Variants in SLC16A10 observed in about 807,000 individuals in gnomAD.
SLC16A10 encodes monocarboxylate transporter 10.
In SLC16A10, 27 loss-of-function variants were observed where a neutral mutation model predicts 40.0. The ratio of observed to expected loss-of-function variants is 0.67; its 90% CI spans 0.50 to 0.93. SLC16A10 has a LOEUF of 0.93. Among genes scored for constraint, SLC16A10 ranks in the 40% least tolerant of loss-of-function variants. SLC16A10 has a pLI of 0.00. For missense variants in SLC16A10, 529 were observed against 658.2 expected, an observed-to-expected ratio of 0.80 and a Z score of 2.15; for synonymous variants, 213 against 249.8, an observed-to-expected ratio of 0.85 and a Z score of 1.39.
intron 4 of SLC16A10, among the ~76,000 whole-genome samples, chr6:111,209,840 G>A (rs942597317): frequency 5.9e-5 from 9 of 152,128 alleles, no homozygotes; most frequent in Non-Finnish European, 1.5e-5. Flanking sequence ...ACAGAGAATG[G>A]TTTCTACAGG....
chr6:111,115,776 T>G (rs1438208472), intron 1 of SLC16A10, among the ~76,000 whole-genome samples: 1 of 152,144 alleles, frequency 6.6e-6, no homozygotes, highest in Admixed American at 6.5e-5. Context: ...AAATAGAGCC[T>G]TGAAGCTAAC....
chr6:111,122,325 CAAA>C (rs914758414), intron 1 of SLC16A10, among the ~76,000 whole-genome samples: 2 of 152,148 alleles, frequency 1.3e-5, no homozygotes, highest in African/African-American at 4.8e-5. Context: ...ACTGCAGAGA[CAAA>C]GAAGAATATG....
At chr6:111,097,881 A>G (rs1173007594) in intron 1 of SLC16A10, among the ~76,000 whole-genome samples, 2 of 152,188 alleles carry the variant, frequency 1.3e-5, no homozygotes, top group Admixed American at 6.5e-5. Context: ...CAATGATTAA[A>G]TTAATGGATA....
intron 3 of SLC16A10, among the ~76,000 whole-genome samples, chr6:111,195,830 C>T (rs1773071111): frequency 6.6e-6 from 1 of 152,164 alleles, no homozygotes; most frequent in Non-Finnish European, 1.5e-5. Flanking sequence ...GTACACAAGC[C>T]TTCCATTTTC....
At chr6:111,128,159 GTT>G (rs1037272829) in intron 1 of SLC16A10, among the ~76,000 whole-genome samples, 2 of 152,256 alleles carry the variant, frequency 1.3e-5, no homozygotes, top group Non-Finnish European at 2.9e-5. Flanking sequence ...CTTTCTGTCA[GTT>G]TAACTGTTAT....
Position 111,226,317 on chromosome 6 carries a change from T to C in SLC16A10, c.*4082T>C, listed in dbSNP as rs886662679. 7 of 152,182 alleles carry C rather than the reference T, an allele frequency of 4.6e-5. No individual in the cohort carries two copies. Among genetic ancestry groups the C allele is most frequent in the African/African-American group, 1.7e-4 (7 of 41,440 alleles). 9.4% of individuals were successfully genotyped at this position (152,182 alleles called of 1,614,324 possible). A position where few individuals can be genotyped will look rare whatever the true frequency, so the allele number is the denominator to read the frequency against. ...AGGGTGACTGGGAATGTAGTGTGCC[T>C]CTCTGATGCAGTTCCTAATGATTGT... On this transcript the variant is annotated 3_prime_UTR_variant, in exon 6 of 6. Coordinates refer to ENST00000368851, the MANE Select transcript of SLC16A10 (RefSeq NM_018593.5).
intron 1 of SLC16A10, among the ~76,000 whole-genome samples, chr6:111,171,896 C>G (rs1236689313): frequency 6.7e-6 from 1 of 149,686 alleles, no homozygotes; most frequent in Non-Finnish European, 1.5e-5. Flanking sequence ...AAACTCATTT[C>G]TAGAAATGAT....
chr6:111,093,838 T>G (rs571355981), intron 1 of SLC16A10, among the ~76,000 whole-genome samples: 92 of 152,304 alleles, frequency 6.0e-4, no homozygotes, highest in Non-Finnish European at 1.1e-3. Context: ...TAAACCAATC[T>G]AAACTACCTG....
At chr6:111,154,755 A>G (rs1484098495) in intron 1 of SLC16A10, among the ~76,000 whole-genome samples, 1 of 152,076 alleles carries the variant, frequency 6.6e-6, no homozygotes, top group East Asian at 1.9e-4. Context: ...CACTTTGGGA[A>G]GCTGAGGCGG....
At chr6:111,150,269 G>A (rs772166394) in intron 1 of SLC16A10, among the ~76,000 whole-genome samples, 7 of 152,262 alleles carry the variant, frequency 4.6e-5, no homozygotes, top group Non-Finnish European at 7.4e-5. Flanking sequence ...CAGTAGTAAC[G>A]CCCTTACCAG....
chr6:111,196,008 C>T (rs1185983277), intron 3 of SLC16A10, among the ~76,000 whole-genome samples: 1 of 151,846 alleles, frequency 6.6e-6, no homozygotes, highest in South Asian at 2.1e-4. Flanking sequence ...GAAAAAAAAA[C>T]AATAAAAAAA....
In SLC16A10 at chr6:111,222,268, T is replaced by G; in HGVS notation, c.*33T>G. 6.5e-7 allele frequency: 1 copy of G among 1,547,760 alleles called. No individual in the cohort carries two copies. The highest frequency in any genetic ancestry group is 1.3e-5 in the South Asian group (1 of 77,736). On this transcript the variant is annotated 3_prime_UTR_variant, in exon 6 of 6. Transcript: ENST00000368851. ...CATACCTCCACCAGACTGGACTTGC[T>G]TTTTGAATTTTAAGCAAGTTTCCTT...
chr6:111,135,352 G>C (rs1457839131), intron 1 of SLC16A10, among the ~76,000 whole-genome samples: 2 of 152,136 alleles, frequency 1.3e-5, no homozygotes, highest in East Asian at 3.9e-4. Context: ...GATTGTTAAG[G>C]ACCTAAAAGC....
At chr6:111,190,185 A>G (rs757110961) in intron 3 of SLC16A10, among the ~76,000 whole-genome samples, 7 of 152,238 alleles carry the variant, frequency 4.6e-5, no homozygotes, top group Non-Finnish European at 1.0e-4. Flanking sequence ...CTGAAATCCA[A>G]TAGGGCAGTC....
intron 1 of SLC16A10, among the ~76,000 whole-genome samples, chr6:111,108,100 A>G (rs1243439656): frequency 1.3e-5 from 2 of 151,498 alleles, no homozygotes; most frequent in Non-Finnish European, 2.9e-5. Flanking sequence ...GCTCACTGCA[A>G]CCTCCACCTG....
At chr6:111,144,813 A>G (rs1772047600) in intron 1 of SLC16A10, among the ~76,000 whole-genome samples, 1 of 152,196 alleles carries the variant, frequency 6.6e-6, no homozygotes, top group South Asian at 2.1e-4. Flanking sequence ...TAAAATTAAA[A>G]ATCATAAAAT....
Position 111,142,686 on chromosome 6 carries a change from T to C in SLC16A10, c.344-30009T>C, listed in dbSNP as rs141655797. Among the ~76,000 whole-genome samples, 144 of 152,320 alleles carry C rather than the reference T, an allele frequency of 9.5e-4. 3 individuals carry two copies. In the East Asian group the frequency reaches 0.024, roughly 25 times the overall value. On this transcript the variant is annotated intron_variant, in intron 1 of 5. Coordinates refer to ENST00000368851, the MANE Select transcript of SLC16A10 (RefSeq NM_018593.5). ...ATGATGAGATTCTACTACACACTTATTAGAATGGCCAAAATCCAAAACACT... is the reference window on the plus strand; with the variant it reads ...ATGATGAGATTCTACTACACACTTACTAGAATGGCCAAAATCCAAAACACT...
Position 111,177,486 on chromosome 6 carries a change from G to T in SLC16A10, c.763G>T (p.Ala255Ser), listed in dbSNP as rs1772708234. The change falls in exon 3 of 6, where the codon GCT becomes TCT. Residue 255 changes from alanine to serine, a missense_variant. By Grantham distance (99) the Ala-to-Ser change is moderately conservative. Coordinates refer to ENST00000368851, the MANE Select transcript of SLC16A10 (RefSeq NM_018593.5). ...FLAGFTYRPL[A>S]TSTKDKESGG... Reference sequence around the variant, plus strand: ...GGCTGGCTTTACTTACCGACCTCTTGCTACCAGTACCAAAGATAAAGAGAG... The same window carrying T: ...GGCTGGCTTTACTTACCGACCTCTTTCTACCAGTACCAAAGATAAAGAGAG... 1 of 1,613,890 alleles carries T rather than the reference G, an allele frequency of 6.2e-7. No homozygotes were observed. The highest frequency in any genetic ancestry group is 8.5e-7 in the Non-Finnish European group (1 of 1,180,004).
intron 3 of SLC16A10, among the ~76,000 whole-genome samples, chr6:111,199,990 T>G (rs2114576566): frequency 6.6e-6 from 1 of 152,298 alleles, no homozygotes; most frequent in South Asian, 2.1e-4. Flanking sequence ...AGAAACTTCT[T>G]TTTTCCCAGT....
Sources: allele counts gnomAD v4.1 joint callset (sites outside exome capture counted in the v4.1 genomes callset), GRCh38; gene constraint gnomAD v4.1.1; transcripts MANE v1.5; gene names NCBI Gene and HGNC (gene_info 2026-07-23, HGNC 2026-07-21).